The following GPR158 variants were observed in gnomAD, a reference collection of about 807,000 sequenced individuals.
GPR158 encodes metabotropic glycine receptor.
A neutral mutation model predicts 78.2 loss-of-function variants in GPR158; 30 were observed. The ratio of observed to expected loss-of-function variants is 0.38; its 90% confidence interval spans 0.29 to 0.52. GPR158 has a LOEUF of 0.52. GPR158 is among the 20% of genes least tolerant of loss of function. The pLI is 0.83. For synonymous variants in GPR158, 581 were observed against 591.1 expected (o/e 0.98, Z 0.25); for missense variants, 1,463 against 1,523.5 (o/e 0.96, Z 0.66).
intron 2 of GPR158, among the ~76,000 whole-genome samples, chr10:25,371,285 A>G (rs1433194746): frequency 6.6e-6 from 1 of 151,746 alleles, no homozygotes; most frequent in Non-Finnish European, 1.5e-5. Context: ...ACATGTTGGA[A>G]TGATTTTGCA....
At chr10:25,279,236 C>T (rs1019147166) in intron 2 of GPR158, among the ~76,000 whole-genome samples, 6 of 152,072 alleles carry the variant, frequency 3.9e-5, no homozygotes, top group Non-Finnish European at 8.8e-5. Flanking sequence ...GATATGCCAG[C>T]CATGTTCTGA....
intron 5 of GPR158, among the ~76,000 whole-genome samples, chr10:25,515,667 A>G (rs1836158590): frequency 1.4e-5 from 2 of 147,274 alleles, no homozygotes; most frequent in African/African-American, 2.5e-5. Flanking sequence ...ATGATTTCCA[A>G]TTTCATCCAT....
intron 5 of GPR158, among the ~76,000 whole-genome samples, chr10:25,470,401 C>G (rs1213717739): frequency 1.3e-5 from 2 of 151,944 alleles, no homozygotes; most frequent in African/African-American, 4.8e-5. Context: ...TTCTCCCTTC[C>G]ACCCAGCAAG....
intron 4 of GPR158, among the ~76,000 whole-genome samples, chr10:25,456,658 A>G (rs1289666670): frequency 6.6e-6 from 1 of 152,224 alleles, no homozygotes; most frequent in African/African-American, 2.4e-5. Flanking sequence ...AAAAGGTTCA[A>G]ATGTTAAAGA....
intron 5 of GPR158, among the ~76,000 whole-genome samples, chr10:25,536,654 CT>C (rs1194568275): frequency 6.6e-6 from 1 of 152,184 alleles, no homozygotes; most frequent in Non-Finnish European, 1.5e-5. Context: ...AATATCTTAG[CT>C]GATAAACTGC....
chr10:25,388,636 A>T (rs1376107110), intron 2 of GPR158, among the ~76,000 whole-genome samples: 2 of 152,220 alleles, frequency 1.3e-5, no homozygotes, highest in Non-Finnish European at 2.9e-5. Flanking sequence ...ATGGTCAGGC[A>T]TGAAGGGCGG....
chr10:25,448,264 T>C (rs1306623717), intron 4 of GPR158, among the ~76,000 whole-genome samples: 1 of 151,810 alleles, frequency 6.6e-6, no homozygotes, highest in Non-Finnish European at 1.5e-5. Flanking sequence ...TTTTGTATTT[T>C]TTTTTTTAGT....
intron 8 of GPR158, among the ~76,000 whole-genome samples, chr10:25,590,186 G>A (rs904125625): frequency 2.0e-5 from 3 of 152,060 alleles, no homozygotes; most frequent in African/African-American, 7.2e-5. Context: ...AGAAAGAGAC[G>A]TTGCCAGACA....
intron 2 of GPR158, among the ~76,000 whole-genome samples, chr10:25,354,754 G>A (rs892467648): frequency 2.0e-5 from 3 of 152,056 alleles, no homozygotes; most frequent in African/African-American, 4.8e-5. Flanking sequence ...TCTCATGGTG[G>A]TGAATTTTCT....
intron 2 of GPR158, among the ~76,000 whole-genome samples, chr10:25,350,664 A>G (rs1025582539): frequency 2.0e-5 from 3 of 151,974 alleles, no homozygotes; most frequent in African/African-American, 7.2e-5. Context: ...CAGGGAAGCT[A>G]TACTTTCTTA....
At chr10:25,302,831 A>T (rs2130450641) in intron 2 of GPR158, among the ~76,000 whole-genome samples, 1 of 152,312 alleles carries the variant, frequency 6.6e-6, no homozygotes, top group Non-Finnish European at 1.5e-5. Context: ...AAATGTGGTT[A>T]TTGAGCAAGG....
intron 2 of GPR158, among the ~76,000 whole-genome samples, chr10:25,299,247 A>G (rs1854557919): frequency 1.3e-5 from 2 of 152,018 alleles, no homozygotes; most frequent in Admixed American, 1.3e-4. Flanking sequence ...TGTGTGTGGT[A>G]AGGGCACCTA....
chr10:25,221,812 C>G (rs1482638990), intron 2 of GPR158, among the ~76,000 whole-genome samples: 1 of 152,086 alleles, frequency 6.6e-6, no homozygotes, highest in Non-Finnish European at 1.5e-5. Flanking sequence ...TTTAGTAGTC[C>G]ATTTCCAAGG....
At chr10:25,403,255 G>C (rs1834469606) in intron 3 of GPR158, among the ~76,000 whole-genome samples, 1 of 151,260 alleles carries the variant, frequency 6.6e-6, no homozygotes, top group Non-Finnish European at 1.5e-5. Context: ...TTTTTTTCTT[G>C]TCAATGAAAT....
chr10:25,444,824 G>A (rs1034960446), intron 4 of GPR158, among the ~76,000 whole-genome samples: 8 of 152,086 alleles, frequency 5.3e-5, no homozygotes, highest in Admixed American at 2.0e-4. Flanking sequence ...TAATTTTGAT[G>A]TACAGTTCCT....
At chr10:25,189,571 G>A (rs1490438674) in intron 1 of GPR158, among the ~76,000 whole-genome samples, 1 of 151,934 alleles carries the variant, frequency 6.6e-6, no homozygotes, top group Non-Finnish European at 1.5e-5. Context: ...TCACTCATAG[G>A]TGGGAGTTGA....
intron 5 of GPR158, among the ~76,000 whole-genome samples, chr10:25,469,308 C>T (rs1564463815): frequency 6.6e-6 from 1 of 152,130 alleles, no homozygotes; most frequent in Non-Finnish European, 1.5e-5. Flanking sequence ...CTTAGGCAAC[C>T]ACTCCATTTG....
intron 2 of GPR158, among the ~76,000 whole-genome samples, chr10:25,252,987 CAG>C (rs1429861447): frequency 2.0e-5 from 3 of 152,238 alleles, no homozygotes; most frequent in African/African-American, 7.2e-5. Context: ...GTAGGACCCT[CAG>C]AGCCAGGTGT....
At chr10:25,564,602 C>T (rs1836904477) in intron 6 of GPR158, among the ~76,000 whole-genome samples, 3 of 152,138 alleles carry the variant, frequency 2.0e-5, no homozygotes, top group Admixed American at 6.6e-5. Flanking sequence ...CCAAAATAAA[C>T]AGCAGTTCTT....
Sources: gnomAD v4.1 joint callset for allele counts (sites outside exome capture counted in the v4.1 genomes callset) on GRCh38, gnomAD v4.1.1 for gene constraint, MANE v1.5 for transcripts, NCBI Gene and HGNC (gene_info 2026-07-23, HGNC 2026-07-21) for gene names.